Variants in GPATCH2L observed in about 807,000 individuals in gnomAD.
The protein encoded by GPATCH2L is G patch domain-containing protein 2-like.
In GPATCH2L, 31 loss-of-function variants were observed where a neutral mutation model predicts 57.4. The observed-to-expected ratio is 0.54, with a 90% CI of 0.41 to 0.73. The LOEUF is 0.73. Ranked by LOEUF, GPATCH2L falls within the 30% of genes least tolerant of loss-of-function variation. The pLI, the probability that GPATCH2L is intolerant of heterozygous loss-of-function variation, is 0.00. For missense variants in GPATCH2L, 481 were observed against 599.9 expected (o/e 0.80, Z 2.07); for synonymous variants, 199 against 210.7 (o/e 0.94, Z 0.48).
chr14:76,199,167 A>T (rs552816404), intron 9 of GPATCH2L, among the ~76,000 whole-genome samples: 3 of 152,326 alleles, frequency 2.0e-5, no homozygotes, highest in Non-Finnish European at 4.4e-5. Context: ...AAAAGTTAAA[A>T]TTTTCTTTTA....
At chr14:76,176,750 G>A (rs2039345904) in intron 6 of GPATCH2L, 60 bp downstream of exon 6, 7 of 1,006,066 alleles carry the variant, frequency 7.0e-6, no homozygotes, top group South Asian at 6.5e-5. Context: ...GAGGCAGAGG[G>A]GAGTTTTATG....
intron 2 of GPATCH2L, among the ~76,000 whole-genome samples, chr14:76,232,380 A>C (rs1292805913): frequency 6.6e-5 from 10 of 151,948 alleles, no homozygotes; most frequent in Admixed American, 5.9e-4. Flanking sequence ...GCTCACTGCA[A>C]CCTCTGCCTC....
At chr14:76,196,027 T>C (rs17104243) in intron 9 of GPATCH2L, 55 bp downstream of exon 9, 222,166 of 1,271,886 alleles carry the variant, frequency 0.17, 21,777 homozygotes, top group African/African-American at 0.37. Context: ...AGGCACTAAA[T>C]TATGTGTTTT....
intron 8 of GPATCH2L, among the ~76,000 whole-genome samples, chr14:76,191,245 A>G (rs1415205542): frequency 6.6e-6 from 1 of 152,190 alleles, no homozygotes; most frequent in African/African-American, 2.4e-5. Context: ...CATTAAAAAG[A>G]AAAGGAGTCA....
rs117771829 is a variant in GPATCH2L, at chr14:76,207,075, G to A, written c.*5224G>A. ...CACGCCCATAATCCCAACACTTTGGGAGGCCAGGGCGGGAGGATTGCTTTA... is the reference window on the plus strand; with the variant it reads ...CACGCCCATAATCCCAACACTTTGGAAGGCCAGGGCGGGAGGATTGCTTTA... On this transcript the variant is annotated 3_prime_UTR_variant, in exon 10 of 10. Transcript: ENST00000261530. 0.035 allele frequency: 5,308 copies of A among 152,382 alleles called. 134 individuals carry two copies. Among genetic ancestry groups the A allele is most frequent in the Non-Finnish European group, 0.052 (3,562 of 68,086 alleles). 9.4% of individuals were successfully genotyped at this position (152,382 alleles called of 1,614,324 possible). A position where few individuals can be genotyped will look rare whatever the true frequency, so the allele number is the denominator to read the frequency against.
chr14:76,188,568 C>A (rs2039856305), intron 8 of GPATCH2L, among the ~76,000 whole-genome samples: 1 of 151,266 alleles, frequency 6.6e-6, no homozygotes, highest in Non-Finnish European at 1.5e-5. Context: ...TTTTTTTCTA[C>A]AGGGTTGTTT....
rs1442845801 is a variant in GPATCH2L at position 76,211,876 on chromosome 14, G to A, written c.*10025G>A. The stretch of plus-strand genomic sequence containing the variant: ...CTGCATAAAAGTGAAATAATTATGA[G>A]TTTTGGGCCAACATTTTTCCTGAAC... On this transcript the variant is annotated 3_prime_UTR_variant, in exon 10 of 10. Coordinates refer to ENST00000261530, the MANE Select transcript of GPATCH2L (RefSeq NM_017926.4). 2 of 152,142 alleles carry A rather than the reference G, an allele frequency of 1.3e-5. No individual in the cohort carries two copies. Among genetic ancestry groups the A allele is most frequent in the African/African-American group, 4.8e-5 (2 of 41,438 alleles). 9.4% of individuals were successfully genotyped at this position (152,142 alleles called of 1,614,324 possible).
At chr14:76,172,347 A>G (rs2039123942) in intron 4 of GPATCH2L, among the ~76,000 whole-genome samples, 2 of 152,240 alleles carry the variant, frequency 1.3e-5, no homozygotes, top group African/African-American at 4.8e-5. Flanking sequence ...ATTTTGGAAG[A>G]GAACAGATTT....
chr14:76,201,233 A>C (rs1343682063), intron 9 of GPATCH2L, among the ~76,000 whole-genome samples: 1 of 151,902 alleles, frequency 6.6e-6, no homozygotes, highest in Non-Finnish European at 1.5e-5. Context: ...GTGTGCTTGA[A>C]TCTTGATATT....
intron 2 of GPATCH2L, among the ~76,000 whole-genome samples, chr14:76,159,101 G>A (rs1263356315): frequency 6.6e-6 from 1 of 152,176 alleles, no homozygotes; most frequent in African/African-American, 2.4e-5. Flanking sequence ...TAGATCAGGT[G>A]GGGGGATTCA....
Position 76,154,264 on chromosome 14 carries a change from A to T in GPATCH2L, c.-10-90A>T. 8.9e-7 allele frequency: 1 copy of T among 1,128,232 alleles called. No individual in the cohort carries two copies. Among genetic ancestry groups the T allele is most frequent in the Non-Finnish European group, 1.3e-6 (1 of 793,626 alleles). The allele number at this position is 1,128,232 out of a possible 1,614,324, so 69.9% of individuals were successfully genotyped here. The stretch of plus-strand genomic sequence containing the variant: ...GTGGACTACCATGATCTGTTTCATC[A>T]AATTATTCCAAAACAACAGATCCTT... On this transcript the variant is annotated intron_variant, in intron 1 of 9. Transcript: ENST00000261530. The surrounding 1 kb of genome is among the most constrained non-coding windows in gnomAD (Gnocchi z 4.4).
At chr14:76,196,056 T>C (rs538520871) in intron 9 of GPATCH2L, 84 bp downstream of exon 9, 1 of 1,008,386 alleles carries the variant, frequency 9.9e-7, no homozygotes, top group Non-Finnish European at 1.6e-6. Flanking sequence ...TTTCATGTAA[T>C]GTTTGTGATA....
chr14:76,196,076 A>G (rs776766868), intron 9 of GPATCH2L, 104 bp downstream of exon 9: 1 of 883,006 alleles, frequency 1.1e-6, no homozygotes. Context: ...AGTGTAGGTC[A>G]TTTTATTCCC....
At position 76,195,942 on chromosome 14, in the gene GPATCH2L, G is replaced by A. The variant is rs748760222; in HGVS notation, c.1258G>A (p.Ala420Thr). Residue 420 changes from alanine (A) to threonine (T), a missense_variant, in exon 9 of 10, where the codon GCC (alanine) becomes ACC (threonine). Around this residue, in one of 3 missense-constraint regions of GPATCH2L, gnomAD observed 248 missense variants for 270.5 expected, o/e 0.92. Transcript: ENST00000261530. The part of the protein sequence containing the change: ...RDIKRKRKPV[A>T]TASLSSPSAV... ...CATCAAGAGGAAGCGGAAACCAGTG[G>A]CCACAGCATCTTTGTCTAGCCCCAG... 8 of 1,613,634 alleles carry A rather than the reference G, an allele frequency of 5.0e-6. No homozygotes were observed. Among genetic ancestry groups the A allele is most frequent in the Non-Finnish European group, 5.1e-6 (6 of 1,179,642 alleles).
At chr14:76,220,773 A>AT (rs1307790936) in intron 1 of GPATCH2L, among the ~76,000 whole-genome samples, 1 of 152,184 alleles carries the variant, frequency 6.6e-6, no homozygotes, top group Non-Finnish European at 1.5e-5. Flanking sequence ...CTAAAAATCA[A>AT]TTTTTTAAAA....
chr14:76,223,968 A>G (rs2040526151), intron 1 of GPATCH2L, among the ~76,000 whole-genome samples: 1 of 152,238 alleles, frequency 6.6e-6, no homozygotes, highest in Non-Finnish European at 1.5e-5. Context: ...TTTACAATAA[A>G]CTAAAAGTGA....
chr14:76,165,755 A>C (rs1388370799), intron 2 of GPATCH2L, among the ~76,000 whole-genome samples: 1 of 152,204 alleles, frequency 6.6e-6, no homozygotes. Flanking sequence ...AAAATACAAA[A>C]TATTTTCAGA....
chr14:76,234,031 G>A lies in GPATCH2L; in HGVS notation c.*117+4078G>A, dbSNP rs963023182. ...AGGCTGAGGCAGGAGGATCACTTGA[G>A]CCCAGGAGTTTGAGCCTGCAATGAG... On this transcript the variant is annotated intron_variant and NMD_transcript_variant, in intron 2 of 3. Coordinates refer to the GPATCH2L transcript ENST00000556372. Among the ~76,000 whole-genome samples the A allele has an allele frequency of 1.4e-4, 22 of 152,114 alleles. 1 individual carries two copies. Among genetic ancestry groups the A allele is most frequent in the Admixed American group, 1.3e-3 (20 of 15,280 alleles).
At chr14:76,222,888 G>A (rs1220047715) in intron 1 of GPATCH2L, among the ~76,000 whole-genome samples, 2 of 148,864 alleles carry the variant, frequency 1.3e-5, no homozygotes, top group African/African-American at 2.5e-5. Context: ...CCTAGGAGGT[G>A]AAGATTGCAG....
Sources: gnomAD v4.1 joint callset for allele counts (sites outside exome capture counted in the v4.1 genomes callset) on GRCh38, gnomAD v4.1.1 for gene constraint, gnomAD v4.1.1 regional missense constraint, Gnocchi (gnomAD v3.1) non-coding constraint, MANE v1.5 for transcripts, NCBI Gene and HGNC (gene_info 2026-07-23, HGNC 2026-07-21) for gene names.